The following AIDA variants were observed in gnomAD, a reference collection of about 807,000 sequenced individuals.
AIDA encodes the protein axin interactor, dorsalization-associated protein.
Under a neutral mutation model 42.7 loss-of-function variants are expected in AIDA, and 18 were observed. The ratio of observed to expected loss-of-function variants is 0.42; its 90% CI spans 0.29 to 0.63. The LOEUF is 0.63. Among genes scored for constraint, AIDA ranks in the 20% least tolerant of loss-of-function variants. The probability of loss-of-function intolerance (pLI) is 0.19; values close to 1 mark genes in which losing one functional copy is unlikely to be tolerated. For synonymous variants in AIDA, 104 were observed against 122.9 expected, an observed-to-expected ratio of 0.85 and a Z score of 1.02; for missense variants, 250 against 354.1, an observed-to-expected ratio of 0.71 and a Z score of 2.36.
chr1:222,681,764 G>A lies in AIDA; in HGVS notation c.460+5166C>T, dbSNP rs571108978. On this transcript the variant is annotated intron_variant, in intron 6 of 9. Transcript: ENST00000340020. ...TGTGTTATAGCCACTGCCACCATGG[G>A]GAGGGGATGTGGACTGTGCAAGCAA... Among the ~76,000 whole-genome samples, 42 of 152,304 alleles carry A rather than the reference G, an allele frequency of 2.8e-4. 1 individual carries two copies. In the South Asian group the frequency reaches 7.0e-3, roughly 26 times the overall value.
At chr1:222,694,345 A>C (rs74330139) in intron 2 of AIDA, 82 bp from the exon 3 acceptor site, 60,711 of 1,146,864 alleles carry the variant, frequency 0.053, 1,901 homozygotes, top group Non-Finnish European at 0.062. Context: ...TTTATTAATA[A>C]AAGATCCATA....
In AIDA at chr1:222,712,375, C is replaced by A. The variant is rs1471474807; in HGVS notation, c.-58G>T. The A allele has an allele frequency of 3.2e-6, 4 of 1,253,998 alleles. No homozygotes were observed. Among genetic ancestry groups the A allele is most frequent in the East Asian group, 6.7e-5 (2 of 29,640 alleles). 77.7% of individuals were successfully genotyped at this position (1,253,998 alleles called of 1,614,324 possible). On this transcript the variant is annotated 5_prime_UTR_variant, in exon 1 of 10. Transcript: ENST00000340020. ...ACCCCAGCAAGGCCGGGTTCTAGGG[C>A]GCCATCCTCCCCCGGCCTGGCCCCG...
At chr1:222,670,302 G>C in intron 8 of AIDA, 52 bp from the exon 9 acceptor site, 1 of 1,441,910 alleles carries the variant, frequency 6.9e-7, no homozygotes, top group African/African-American at 1.4e-5. Flanking sequence ...TTTCTTGTGT[G>C]TCAATTAATT....
intron 6 of AIDA, among the ~76,000 whole-genome samples, chr1:222,683,988 A>C (rs2124954531): frequency 6.6e-6 from 1 of 152,334 alleles, no homozygotes; most frequent in African/African-American, 2.4e-5. Flanking sequence ...GAAAAAAACT[A>C]TTCTTGGTCA....
chr1:222,670,490 C>CT (rs375246643), intron 8 of AIDA, among the ~76,000 whole-genome samples: 14 of 152,278 alleles, frequency 9.2e-5, no homozygotes, highest in African/African-American at 3.4e-4. Flanking sequence ...AGCAAAACTT[C>CT]TTGAGCTAGA....
At chr1:222,691,032 GACACAAA>G (rs1655355876) in intron 4 of AIDA, among the ~76,000 whole-genome samples, 1 of 152,132 alleles carries the variant, frequency 6.6e-6, no homozygotes, top group African/African-American at 2.4e-5. Context: ...TGTTATAAAG[GACACAAA>G]CAGGATGAGT....
At chr1:222,676,345 G>A (rs574710715) in intron 6 of AIDA, 127 bp from the exon 7 acceptor site, 40 of 1,087,858 alleles carry the variant, frequency 3.7e-5, no homozygotes, top group South Asian at 2.6e-4. Context: ...TTTGGTTCCC[G>A]AAACTCCCAA....
chr1:222,712,479 C>T lies in AIDA; in HGVS notation c.-162G>A, dbSNP rs1366809187. 1.2e-5 allele frequency: 17 copies of T among 1,420,296 alleles called. No individual in the cohort carries two copies. The Admixed American group carries it at 5.0e-4, about 41-fold the overall frequency. The allele number at this position is 1,420,296 out of a possible 1,614,324, so 88.0% of individuals were successfully genotyped here. A position where few individuals can be genotyped will look rare whatever the true frequency, so the allele number is the denominator to read the frequency against. ...AGCCGCCCAAGCCCATTTGCCGCCACAGCCAAACTTTGCGGCTCCAAAGCG... is the reference window on the plus strand; with the variant it reads ...AGCCGCCCAAGCCCATTTGCCGCCATAGCCAAACTTTGCGGCTCCAAAGCG... On this transcript the variant is annotated 5_prime_UTR_variant, in exon 1 of 10. It adds an upstream start codon to the 5' untranslated region. Transcript: ENST00000340020.
intron 7 of AIDA, 76 bp from the exon 8 acceptor site, chr1:222,673,511 T>A: frequency 2.3e-6 from 3 of 1,308,136 alleles, no homozygotes; most frequent in Non-Finnish European, 3.0e-6. Context: ...GCACGGTGGC[T>A]CACGCCTGTA....
chr1:222,704,464 T>G (rs1057185222), intron 1 of AIDA, among the ~76,000 whole-genome samples: 24 of 152,146 alleles, frequency 1.6e-4, no homozygotes, highest in African/African-American at 5.8e-4. Flanking sequence ...AATGGAAAAT[T>G]ATTCAGTCAA....
chr1:222,684,647 G>T (rs1194815210), intron 6 of AIDA, among the ~76,000 whole-genome samples: 1 of 151,554 alleles, frequency 6.6e-6, no homozygotes, highest in African/African-American at 2.4e-5. Flanking sequence ...CTTTCTTTTA[G>T]GGGGGAAAAA....
chr1:222,690,819 AG>A (rs1458230511), intron 4 of AIDA, among the ~76,000 whole-genome samples: 8 of 152,138 alleles, frequency 5.3e-5, no homozygotes. Flanking sequence ...AAGAACTCTG[AG>A]GCTGGTGTCT....
intron 7 of AIDA, among the ~76,000 whole-genome samples, chr1:222,673,856 G>A (rs1664496134): frequency 6.6e-6 from 1 of 151,998 alleles, no homozygotes; most frequent in African/African-American, 2.4e-5. Flanking sequence ...GGCTGAGGCG[G>A]GTGGATCACT....
chr1:222,709,948 C>T (rs1282740602), intron 1 of AIDA, among the ~76,000 whole-genome samples: 1 of 152,158 alleles, frequency 6.6e-6, no homozygotes, highest in Non-Finnish European at 1.5e-5. Flanking sequence ...CCCCTACATC[C>T]CTCGCATAAA....
chr1:222,694,400 A>G (rs1302353354), intron 2 of AIDA, 137 bp from the exon 3 acceptor site: 2 of 773,658 alleles, frequency 2.6e-6, no homozygotes, highest in Admixed American at 4.9e-5. Context: ...AGCATCTTTC[A>G]GACTCTAGAG....
intron 4 of AIDA, among the ~76,000 whole-genome samples, chr1:222,689,520 T>TATATATATGC (rs765351898): frequency 5.2e-5 from 3 of 58,102 alleles, no homozygotes; most frequent in Admixed American, 1.8e-4. Flanking sequence ...TATATATATA[T>TATATATATGC]ACACACATAC....
chr1:222,674,333 A>G (rs1331529949), intron 7 of AIDA, among the ~76,000 whole-genome samples: 1 of 152,188 alleles, frequency 6.6e-6, no homozygotes, highest in Non-Finnish European at 1.5e-5. Flanking sequence ...CTTGTAGAAC[A>G]CAAAATTTCA....
chr1:222,682,573 T>C (rs1464150453), intron 6 of AIDA, among the ~76,000 whole-genome samples: 2 of 152,168 alleles, frequency 1.3e-5, no homozygotes, highest in African/African-American at 4.8e-5. Flanking sequence ...ATTATCATAA[T>C]ATATACATAT....
Position 222,712,424 on chromosome 1 carries a change from C to T in AIDA, c.-107G>A. 1.4e-6 allele frequency: 2 copies of T among 1,443,974 alleles called. No homozygotes were observed. Among genetic ancestry groups the T allele is most frequent in the Non-Finnish European group, 1.8e-6 (2 of 1,099,504 alleles). The allele number at this position is 1,443,974 out of a possible 1,614,324, so 89.4% of individuals were successfully genotyped here. Reference sequence around the variant, plus strand: ...CGACATTAACAGGGCCAGGAGGAACCGCTACGGCCACCACCGCCACCCGCC... The same window carrying T: ...CGACATTAACAGGGCCAGGAGGAACTGCTACGGCCACCACCGCCACCCGCC... On this transcript the variant is annotated 5_prime_UTR_variant, in exon 1 of 10. Transcript: ENST00000340020.
Sources: allele counts gnomAD v4.1 joint callset (sites outside exome capture counted in the v4.1 genomes callset), GRCh38; gene constraint gnomAD v4.1.1; transcripts MANE v1.5; gene names NCBI Gene and HGNC (gene_info 2026-07-23, HGNC 2026-07-21).